The following ARID2 variants were observed in gnomAD, a reference collection of about 807,000 sequenced individuals.
ARID2 encodes AT-rich interaction domain 2.
A neutral mutation model predicts 184.6 loss-of-function variants in ARID2; 32 were observed. The observed-to-expected ratio is 0.17, with a 90% CI of 0.13 to 0.23. The LOEUF is 0.23. Ranked by LOEUF, ARID2 falls within the 10% of genes least tolerant of loss-of-function variation. ARID2 has a pLI of 1.00. For synonymous variants in ARID2, 836 were observed against 772.6 expected (o/e 1.08, Z -1.36); for missense variants, 1,696 against 2,197.6 (o/e 0.77, Z 4.56).
intron 3 of ARID2, among the ~76,000 whole-genome samples, chr12:45,790,183 G>A (rs980927343): frequency 6.6e-6 from 1 of 151,976 alleles, no homozygotes; most frequent in African/African-American, 2.4e-5. Flanking sequence ...TTTGCAAATA[G>A]TGGTATATTT....
intron 3 of ARID2, among the ~76,000 whole-genome samples, chr12:45,745,769 G>A (rs1275330608): frequency 6.6e-6 from 1 of 152,068 alleles, no homozygotes; most frequent in African/African-American, 2.4e-5. Flanking sequence ...GGCTGTTCTC[G>A]AACTCCTGGC....
At chr12:45,805,586 T>C (rs892429963) in intron 3 of ARID2, among the ~76,000 whole-genome samples, 1 of 152,134 alleles carries the variant, frequency 6.6e-6, no homozygotes, top group African/African-American at 2.4e-5. Context: ...TCTGTATTGC[T>C]ACCTAACCAT....
At position 45,905,634 on chromosome 12, in the gene ARID2, G is replaced by A; in HGVS notation, c.*556G>A. Reference sequence around the variant, plus strand: ...TCAGTAGCTTGGTTTTCTTACTTGAGCCAATATATTTTCACTTATTTATTA... The same window carrying A: ...TCAGTAGCTTGGTTTTCTTACTTGAACCAATATATTTTCACTTATTTATTA... On this transcript the variant is annotated 3_prime_UTR_variant, in exon 21 of 21. Transcript: ENST00000334344. 1 of 232,940 alleles carries A rather than the reference G, an allele frequency of 4.3e-6. No individual in the cohort carries two copies. Among genetic ancestry groups the A allele is most frequent in the South Asian group, 1.8e-4 (1 of 5,520 alleles). The allele number at this position is 232,940 out of a possible 1,614,324, so 14.4% of individuals were successfully genotyped here.
intron 3 of ARID2, among the ~76,000 whole-genome samples, chr12:45,763,466 ACT>A (rs1244859349): frequency 1.3e-5 from 2 of 151,100 alleles, no homozygotes; most frequent in Non-Finnish European, 2.9e-5. Context: ...TGAGACTCAG[ACT>A]CAAAAAAAAA....
chr12:45,817,955 A>G (rs1242508949), intron 5 of ARID2, 67 bp downstream of exon 5: 1 of 1,243,448 alleles, frequency 8.0e-7, no homozygotes, highest in Non-Finnish European at 1.1e-6. Context: ...GTTTTTAAGG[A>G]GAAAGTACTT....
At chr12:45,735,076 A>G (rs962317874) in intron 3 of ARID2, among the ~76,000 whole-genome samples, 4 of 151,848 alleles carry the variant, frequency 2.6e-5, no homozygotes, top group Non-Finnish European at 4.4e-5. Flanking sequence ...TATGTTTACC[A>G]TAGTACATTT....
At chr12:45,835,499 C>CA (rs71067908) in intron 6 of ARID2, among the ~76,000 whole-genome samples, 22,073 of 147,088 alleles carry the variant, frequency 0.15, 2,044 homozygotes, top group Middle Eastern at 0.23. Context: ...ACTTTGATTC[C>CA]AAAAAAAAAA....
At chr12:45,880,009 C>T (rs142955419) in intron 16 of ARID2, among the ~76,000 whole-genome samples, 1 of 152,250 alleles carries the variant, frequency 6.6e-6, no homozygotes, top group East Asian at 1.9e-4. Flanking sequence ...TAAGTGGTGT[C>T]AGGCAAAGTT....
chr12:45,859,253 A>G (rs534706684), intron 15 of ARID2, among the ~76,000 whole-genome samples: 21 of 152,326 alleles, frequency 1.4e-4, no homozygotes, highest in African/African-American at 4.3e-4. Context: ...CAAATACTTA[A>G]CCATTGTGTT....
At chr12:45,767,559 T>A (rs999150628) in intron 3 of ARID2, among the ~76,000 whole-genome samples, 1 of 151,972 alleles carries the variant, frequency 6.6e-6, no homozygotes, top group African/African-American at 2.4e-5. Flanking sequence ...CTGGGTGGAG[T>A]GGCAGGGGCC....
chr12:45,804,489 C>CGTGTGTGTGTGT (rs141399769), intron 3 of ARID2, among the ~76,000 whole-genome samples: 1 of 146,500 alleles, frequency 6.8e-6, no homozygotes, highest in Non-Finnish European at 1.5e-5. Flanking sequence ...CGTGTGTGTG[C>CGTGTGTGTGTGT]GTGTGTGTGT....
Position 45,730,101 on chromosome 12 carries a change from C to G in ARID2, c.150C>G (p.Leu50=). 1 of 1,613,742 alleles carries G rather than the reference C, an allele frequency of 6.2e-7. No individual in the cohort carries two copies. The highest frequency in any genetic ancestry group is 8.5e-7 in the Non-Finnish European group (1 of 1,179,816). Residue 50 remains leucine (L), a synonymous_variant, in exon 2 of 21, where the codon CTC becomes CTG. Transcript: ENST00000334344. ...GGAAGGAGCTGGATCTTCACGGTCT[C>G]TACACCAGAGTCACTACTTTAGGCG... is the stretch of plus-strand genomic sequence containing the variant. ...VGGKELDLHG[L]YTRVTTLGGF...
intron 3 of ARID2, among the ~76,000 whole-genome samples, chr12:45,793,874 ATTC>A (rs1448671244): frequency 6.7e-6 from 1 of 148,896 alleles, no homozygotes; most frequent in Admixed American, 6.7e-5. Flanking sequence ...TATTTTTTCT[ATTC>A]TTTCCTTTTT....
chr12:45,754,504 C>G (rs958992396), intron 3 of ARID2, among the ~76,000 whole-genome samples: 1 of 152,242 alleles, frequency 6.6e-6, no homozygotes, highest in Admixed American at 6.5e-5. Context: ...GTTTTTCTCA[C>G]CTTTCTGCCT....
intron 20 of ARID2, among the ~76,000 whole-genome samples, chr12:45,900,010 G>A (rs1592149151): frequency 1.3e-5 from 2 of 151,572 alleles, no homozygotes; most frequent in Non-Finnish European, 2.9e-5. Flanking sequence ...AGATATTGTT[G>A]GATTGTTTGA....
In ARID2 at chr12:45,835,888, G is replaced by A. The variant is rs1253573263; in HGVS notation, c.706-701G>A. On this transcript the variant is annotated intron_variant, in intron 6 of 20. Transcript: ENST00000334344. ...GCACTCCAGCCTGGGTGAAAAGAGC[G>A]AAACTCCATCTCAAAAAAAAAAACA... Among the ~76,000 whole-genome samples, 4 of 150,398 alleles carry A rather than the reference G, an allele frequency of 2.7e-5. 1 individual carries two copies. Among genetic ancestry groups the A allele is most frequent in the East Asian group, 3.9e-4 (2 of 5,158 alleles).
intron 15 of ARID2, among the ~76,000 whole-genome samples, chr12:45,853,228 G>C (rs1943588813): frequency 2.0e-5 from 3 of 152,068 alleles, no homozygotes; most frequent in Non-Finnish European, 4.4e-5. Flanking sequence ...AGTGTTGGGG[G>C]GAATGGGGGT....
At chr12:45,887,884 A>G (rs989618838) in intron 16 of ARID2, among the ~76,000 whole-genome samples, 1 of 152,220 alleles carries the variant, frequency 6.6e-6, no homozygotes, top group Non-Finnish European at 1.5e-5. Flanking sequence ...AATAGTAGCT[A>G]CATTTGGCTG....
intron 11 of ARID2, among the ~76,000 whole-genome samples, chr12:45,845,170 T>C (rs1199950506): frequency 6.6e-6 from 1 of 152,146 alleles, no homozygotes. Context: ...ACGTAATTTC[T>C]AGTGTTTCAT....
Sources: gnomAD v4.1 joint callset for allele counts (sites outside exome capture counted in the v4.1 genomes callset) on GRCh38, gnomAD v4.1.1 for gene constraint, MANE v1.5 for transcripts, NCBI Gene and HGNC (gene_info 2026-07-23, HGNC 2026-07-21) for gene names.